The following RASAL1 variants were observed in gnomAD, a reference collection of about 807,000 sequenced individuals.
RASAL1 encodes rasGAP-activating-like protein 1.
Under a neutral mutation model 96.6 loss-of-function variants are expected in RASAL1, and 72 were observed. That is an observed-to-expected ratio of 0.75 (90% CI 0.62 to 0.91). The LOEUF (loss-of-function observed/expected upper bound fraction) is 0.91. Ranked by LOEUF, RASAL1 falls within the 40% of genes least tolerant of loss-of-function variation. RASAL1 has a pLI of 0.00. For missense variants in RASAL1, 1,016 were observed against 1,072.5 expected, an observed-to-expected ratio of 0.95 and a Z score of 0.74; for synonymous variants, 405 against 430.4, an observed-to-expected ratio of 0.94 and a Z score of 0.73.
chr12:113,104,557 AG>A (rs1269526745), intron 16 of RASAL1, among the ~76,000 whole-genome samples: 1 of 152,162 alleles, frequency 6.6e-6, no homozygotes, highest in Non-Finnish European at 1.5e-5. Context: ...GCTGGAGTGC[AG>A]TTGCACGAGC....
chr12:113,105,373 A>G (rs1264498946), intron 16 of RASAL1, among the ~76,000 whole-genome samples: 1 of 152,218 alleles, frequency 6.6e-6, no homozygotes, highest in East Asian at 1.9e-4. Context: ...AACACATTCA[A>G]TTTTATGAGT....
rs758962973 is a variant in RASAL1, at chr12:113,104,259, C to T, written c.1870G>A (p.Glu624Lys). Residue 624 changes from glutamate to lysine, a missense_variant, in exon 17 of 21, where the codon GAG becomes AAG. Glu to Lys is a moderately conservative substitution (Grantham distance 56). Coordinates refer to ENST00000548055, the MANE Select transcript of RASAL1 (RefSeq NM_001301202.2). The stretch of plus-strand genomic sequence containing the variant: ...TGGAAGGCGCCCTCGTCTACGCGCT[C>T]CACGGCGCGGATGTGAGACACGGGG... The part of the protein sequence containing the change: ...SIPVSHIRAV[E>K]RVDEGAFQLP... 1.3e-6 allele frequency: 2 copies of T among 1,591,932 alleles called. No individual in the cohort carries two copies. The highest frequency in any genetic ancestry group is 2.3e-5 in the South Asian group (2 of 88,064).
intron 4 of RASAL1, among the ~76,000 whole-genome samples, chr12:113,127,133 C>CCTGCCT (rs1056891679): frequency 7.9e-5 from 12 of 151,840 alleles, no homozygotes; most frequent in South Asian, 2.1e-4. Flanking sequence ...AAGCGATCCT[C>CCTGCCT]CTGCCTCTGC....
intron 12 of RASAL1, among the ~76,000 whole-genome samples, chr12:113,113,777 AC>A (rs374130512): frequency 2.6e-4 from 40 of 152,266 alleles, no homozygotes; most frequent in African/African-American, 8.9e-4. Flanking sequence ...TGTGGGTTAG[AC>A]AGGAGAAGGT....
Position 113,099,923 on chromosome 12 carries a change from A to G in RASAL1, c.*6T>C. The G allele has an allele frequency of 1.2e-6, 2 of 1,608,194 alleles. No individual in the cohort carries two copies. Among genetic ancestry groups the G allele is most frequent in the Admixed American group, 1.7e-5 (1 of 59,822 alleles). ...CTCCTCCTTCCGGGCTAGCTCTGGCATTTCCTTAGGGGCCAAGGGGGCCCA... is the reference window on the plus strand; with the variant it reads ...CTCCTCCTTCCGGGCTAGCTCTGGCGTTTCCTTAGGGGCCAAGGGGGCCCA... On this transcript the variant is annotated 3_prime_UTR_variant, in exon 21 of 21. Coordinates refer to ENST00000548055, the MANE Select transcript of RASAL1 (RefSeq NM_001301202.2).
intron 14 of RASAL1, 88 bp from the exon 15 acceptor site, chr12:113,107,329 G>T: frequency 7.0e-7 from 1 of 1,420,684 alleles, no homozygotes; most frequent in East Asian, 2.5e-5. Flanking sequence ...CTCAATAAAA[G>T]AAGACTCATA....
At chr12:113,106,385 T>C (rs1334431765) in intron 15 of RASAL1, among the ~76,000 whole-genome samples, 1 of 152,214 alleles carries the variant, frequency 6.6e-6, no homozygotes, top group Non-Finnish European at 1.5e-5. Context: ...CTACAAATCA[T>C]CCTGTGATTC....
At chr12:113,117,197 C>T (rs765206567) in intron 7 of RASAL1, 36 bp from the exon 8 acceptor site, 1 of 1,481,722 alleles carries the variant, frequency 6.7e-7, no homozygotes, top group South Asian at 1.2e-5. Context: ...CAGCCGGGCC[C>T]TGGCCTGCCC....
intron 13 of RASAL1, among the ~76,000 whole-genome samples, chr12:113,109,505 G>GCAC (rs1033351169): frequency 6.6e-6 from 1 of 152,146 alleles, no homozygotes; most frequent in African/African-American, 2.4e-5. Context: ...TGGTTCCCCA[G>GCAC]CACCAGCAGA....
chr12:113,105,986 T>C, intron 15 of RASAL1, 100 bp from the exon 16 acceptor site: 1 of 1,265,246 alleles, frequency 7.9e-7, no homozygotes, highest in Non-Finnish European at 1.1e-6. Flanking sequence ...TGGACGGGCA[T>C]GGTTCTCTGC....
chr12:113,102,088 G>A (rs147755661), intron 18 of RASAL1, 79 bp from the exon 19 acceptor site: 13 of 1,528,776 alleles, frequency 8.5e-6, no homozygotes, highest in African/African-American at 2.7e-5. Context: ...TCGCCAAGCC[G>A]TGCTCCTTCT....
chr12:113,125,011 C>T (rs1291333351), intron 4 of RASAL1, among the ~76,000 whole-genome samples: 1 of 151,758 alleles, frequency 6.6e-6, no homozygotes, highest in Non-Finnish European at 1.5e-5. Context: ...CCTGTAATCC[C>T]GGCACCTTGT....
At position 113,128,064 on chromosome 12, in the gene RASAL1, C is replaced by T. The variant is rs1951557853; in HGVS notation, c.236+1G>A. On this transcript the variant is annotated splice_donor_variant, in intron 3 of 20. Coordinates refer to ENST00000548055, the MANE Select transcript of RASAL1 (RefSeq NM_001301202.2). LOFTEE classifies it high-confidence loss of function. ...ACATTCCACTTTCCCCAACCACAAA[C>T]CCGACAGTGTCCTCATCCAGCACGT... 1 of 1,613,614 alleles carries T rather than the reference C, an allele frequency of 6.2e-7. No homozygotes were observed. Among genetic ancestry groups the T allele is most frequent in the African/African-American group, 1.3e-5 (1 of 74,916 alleles).
chr12:113,109,044 T>G (rs1436184755), intron 13 of RASAL1, among the ~76,000 whole-genome samples: 1 of 1,418 alleles, frequency 7.1e-4, no homozygotes, highest in East Asian at 7.8e-3. Context: ...TTTGTGTGTG[T>G]TTTTTTTTTT....
intron 18 of RASAL1, chr12:113,103,639 T>A: frequency 2.2e-6 from 1 of 458,558 alleles, no homozygotes; most frequent in Non-Finnish European, 3.9e-6. Flanking sequence ...TATGCACTCA[T>A]CTTTCTTGAG....
At chr12:113,133,870 T>C (rs936227930) in intron 1 of RASAL1, among the ~76,000 whole-genome samples, 3 of 152,202 alleles carry the variant, frequency 2.0e-5, no homozygotes, top group Non-Finnish European at 2.9e-5. Flanking sequence ...GGCCAAGAGC[T>C]GCAGGAACCA....
At chr12:113,112,315 C>T in intron 12 of RASAL1, 37 bp from the exon 13 acceptor site, 1 of 1,246,176 alleles carries the variant, frequency 8.0e-7, no homozygotes, top group Non-Finnish European at 1.0e-6. Context: ...CCTCGGGGCA[C>T]AACATCTGCC....
chr12:113,134,029 G>C (rs1215234603), intron 1 of RASAL1, among the ~76,000 whole-genome samples: 1 of 152,186 alleles, frequency 6.6e-6, no homozygotes, highest in East Asian at 1.9e-4. Context: ...CCCGTTTCTG[G>C]AAAGAACTCC....
Position 113,119,342 on chromosome 12 carries a change from C to T in RASAL1, c.510+20G>A, listed in dbSNP as rs2136202051. 6.2e-7 allele frequency: 1 copy of T among 1,613,186 alleles called. No individual in the cohort carries two copies. ...CACCAAATGCCCCACTCCTTCCTGG[C>T]TTCATTCCCCACCACTCACTGAGGT... is the stretch of plus-strand genomic sequence containing the variant. On this transcript the variant is annotated intron_variant, in intron 6 of 20. Coordinates refer to ENST00000548055, the MANE Select transcript of RASAL1 (RefSeq NM_001301202.2).
Sources: gnomAD v4.1 joint callset for allele counts (sites outside exome capture counted in the v4.1 genomes callset) on GRCh38, gnomAD v4.1.1 for gene constraint, MANE v1.5 for transcripts, NCBI Gene and HGNC (gene_info 2026-07-23, HGNC 2026-07-21) for gene names.